BLMH: variants seen among roughly 807,000 people sequenced by gnomAD.
BLMH encodes BLM hydrolase.
Under a neutral mutation model 61.6 loss-of-function variants are expected in BLMH, and 32 were observed. The observed-to-expected ratio is 0.52, with a 90% CI of 0.39 to 0.70. BLMH has a LOEUF of 0.70. Among genes scored for constraint, BLMH ranks in the 30% least tolerant of loss-of-function variants. The probability of loss-of-function intolerance (pLI) is 0.00; values close to 1 mark genes in which losing one functional copy is unlikely to be tolerated. For synonymous variants in BLMH, 183 were observed against 193.8 expected (o/e 0.94, Z 0.46); for missense variants, 460 against 555.5 (o/e 0.83, Z 1.73).
chr17:30,291,574 C>T (rs1370197112), intron 1 of BLMH, 66 bp from the exon 2 acceptor site: 1 of 1,575,618 alleles, frequency 6.3e-7, no homozygotes. Context: ...GGGGCTCCCG[C>T]GTCCCGAATC....
intron 6 of BLMH, among the ~76,000 whole-genome samples, chr17:30,281,206 T>C (rs1258174513): frequency 6.6e-6 from 1 of 151,820 alleles, no homozygotes; most frequent in African/African-American, 2.4e-5. Context: ...ACTCTAAAAG[T>C]ATGTGCACTT....
At chr17:30,263,862 AAAGAG>A (rs1378168743) in intron 11 of BLMH, among the ~76,000 whole-genome samples, 1 of 152,242 alleles carries the variant, frequency 6.6e-6, no homozygotes, top group African/African-American at 2.4e-5. Flanking sequence ...CAGAAATCCC[AAAGAG>A]AATAGCAACA....
chr17:30,272,209 C>G (rs1908293780), intron 9 of BLMH: 1 of 259,886 alleles, frequency 3.8e-6, no homozygotes, highest in Non-Finnish European at 7.4e-6. Context: ...AGTAACATAG[C>G]AAACGGGGGC....
Position 30,291,315 on chromosome 17 carries a change from G to A in BLMH, c.207C>T (p.Ser69=). ...GGGAGAAGTGGAAGCCCACACCTGAGCTCTTCTGGTTGGTGATTGGCTTGC... is the reference window on the plus strand; with the variant it reads ...GGGAGAAGTGGAAGCCCACACCTGAACTCTTCTGGTTGGTGATTGGCTTGC... The part of the protein sequence containing the change: ...QEGKPITNQK[S]SGRCWIFSCL... The change falls in exon 2 of 12, where the codon AGC becomes AGT. Residue 69 remains serine (S), a synonymous_variant. Transcript: ENST00000261714. 2.5e-6 allele frequency: 4 copies of A among 1,611,342 alleles called. No homozygotes were observed. The highest frequency in any genetic ancestry group is 3.4e-6 in the Non-Finnish European group (4 of 1,179,594).
In BLMH at chr17:30,291,878, G is replaced by T; in HGVS notation, c.-59C>A. ...TTCCAGGGTCCTTGGGCGAGCGCCGGGATTGCGCTGCGGCTCGCTGCCTAG... is the reference window on the plus strand; with the variant it reads ...TTCCAGGGTCCTTGGGCGAGCGCCGTGATTGCGCTGCGGCTCGCTGCCTAG... On this transcript the variant is annotated 5_prime_UTR_variant, in exon 1 of 12. Transcript: ENST00000261714. 7.8e-7 allele frequency: 1 copy of T among 1,275,656 alleles called. No homozygotes were observed. Among genetic ancestry groups the T allele is most frequent in the Non-Finnish European group, 9.9e-7 (1 of 1,014,336 alleles). 79.0% of individuals were successfully genotyped at this position (1,275,656 alleles called of 1,614,324 possible).
chr17:30,266,804 C>A, intron 11 of BLMH, 81 bp downstream of exon 11: 2 of 1,283,758 alleles, frequency 1.6e-6, no homozygotes, highest in Non-Finnish European at 1.1e-6. Flanking sequence ...AAATCCTCCA[C>A]ACTAGAGCAG....
In BLMH at chr17:30,291,936, C is replaced by T; in HGVS notation, c.-117G>A. 3 of 1,169,246 alleles carry T rather than the reference C, an allele frequency of 2.6e-6. No homozygotes were observed. The highest frequency in any genetic ancestry group is 3.3e-6 in the Non-Finnish European group (3 of 913,478). 72.4% of individuals were successfully genotyped at this position (1,169,246 alleles called of 1,614,324 possible). A position where few individuals can be genotyped will look rare whatever the true frequency, so the allele number is the denominator to read the frequency against. On this transcript the variant is annotated 5_prime_UTR_variant, in exon 1 of 12. Transcript: ENST00000261714. ...GACCTGTCTCTCGCACCCGGAGCGCCGGAAAAAGGAAACCGGCTCGGCGGC... is the reference window on the plus strand; with the variant it reads ...GACCTGTCTCTCGCACCCGGAGCGCTGGAAAAAGGAAACCGGCTCGGCGGC...
intron 5 of BLMH, 171 bp from the exon 6 acceptor site, chr17:30,285,651 A>C (rs1413750365): frequency 8.5e-6 from 4 of 472,704 alleles, no homozygotes; most frequent in Non-Finnish European, 1.5e-5. Flanking sequence ...CACATAGCTA[A>C]AAATGCTTTC....
chr17:30,287,683 C>T, intron 4 of BLMH, 123 bp downstream of exon 4: 8 of 1,140,872 alleles, frequency 7.0e-6, no homozygotes, highest in Non-Finnish European at 7.3e-6. Flanking sequence ...TTAGAAATAA[C>T]TATATATCCT....
chr17:30,277,957 G>C (rs1040971979), intron 6 of BLMH, among the ~76,000 whole-genome samples: 2 of 151,796 alleles, frequency 1.3e-5, no homozygotes, highest in Non-Finnish European at 2.9e-5. Context: ...GTAAAACTTT[G>C]TAACTTGAGA....
At chr17:30,268,662 T>C (rs1567834508) in intron 10 of BLMH, among the ~76,000 whole-genome samples, 1 of 151,728 alleles carries the variant, frequency 6.6e-6, no homozygotes, top group African/African-American at 2.4e-5. Flanking sequence ...ATAACAGAGA[T>C]AGAAATGATA....
intron 2 of BLMH, among the ~76,000 whole-genome samples, chr17:30,290,242 T>C (rs2143059840): frequency 6.6e-6 from 1 of 152,292 alleles, no homozygotes; most frequent in African/African-American, 2.4e-5. Flanking sequence ...TGCATGAAAA[T>C]AAACTACACA....
rs146994138 is a variant in BLMH, at chr17:30,287,288, A to C, written c.464-386T>G. ...GCAATCCTCCTGCCCTGGTCTCCCA[A>C]AGTGCTAGGATTACATGCCTGAGCC... On this transcript the variant is annotated intron_variant, in intron 4 of 11. Coordinates refer to ENST00000261714, the MANE Select transcript of BLMH (RefSeq NM_000386.4). Among the ~76,000 whole-genome samples, 1,149 of 152,284 alleles carry C rather than the reference A, an allele frequency of 7.5e-3. 7 individuals are homozygous for C. The highest frequency in any genetic ancestry group is 0.02 in the Admixed American group (306 of 15,290).
At chr17:30,266,523 CAAA>C (rs770078465) in intron 11 of BLMH, among the ~76,000 whole-genome samples, 1 of 53,068 alleles carries the variant, frequency 1.9e-5, no homozygotes, top group Non-Finnish European at 4.3e-5. Context: ...AGACTCTGTC[CAAA>C]AAAAAAAAAA....
At chr17:30,281,834 G>T (rs1908600260) in intron 6 of BLMH, among the ~76,000 whole-genome samples, 1 of 152,138 alleles carries the variant, frequency 6.6e-6, no homozygotes, top group South Asian at 2.1e-4. Flanking sequence ...TAAACTTGAT[G>T]TTAAAAATAT....
At chr17:30,252,665 G>C (rs749396413) in intron 11 of BLMH, among the ~76,000 whole-genome samples, 1 of 152,032 alleles carries the variant, frequency 6.6e-6, no homozygotes, top group African/African-American at 2.4e-5. Context: ...GGGAATGGTA[G>C]GGGTTGGGAG....
At chr17:30,252,631 AGAGT>A (rs1446706577) in intron 11 of BLMH, among the ~76,000 whole-genome samples, 1 of 151,726 alleles carries the variant, frequency 6.6e-6, no homozygotes, top group South Asian at 2.1e-4. Context: ...TAGCCTAAAC[AGAGT>A]GAGACCCTGT....
At chr17:30,266,982 G>T in intron 10 of BLMH, 28 bp from the exon 11 acceptor site, 1 of 1,605,854 alleles carries the variant, frequency 6.2e-7, no homozygotes, top group Non-Finnish European at 8.5e-7. Context: ...ATGGTGAGTA[G>T]TCTGAAGCCA....
rs80263939 is a variant in BLMH, at chr17:30,257,932, C to A, written c.1217-8764G>T. Among the ~76,000 whole-genome samples, 361 of 152,324 alleles carry A rather than the reference C, an allele frequency of 2.4e-3. 2 individuals carry two copies. The highest frequency in any genetic ancestry group is 6.8e-3 in the Middle Eastern group (2 of 294). ...CTTTGAAACAAACTCCATCTGCTCACAAACCCCATATCAACAAACAGGAAC... is the reference window on the plus strand; with the variant it reads ...CTTTGAAACAAACTCCATCTGCTCAAAAACCCCATATCAACAAACAGGAAC... On this transcript the variant is annotated intron_variant, in intron 11 of 11. Coordinates refer to ENST00000261714, the MANE Select transcript of BLMH (RefSeq NM_000386.4).
Sources: allele counts gnomAD v4.1 joint callset (sites outside exome capture counted in the v4.1 genomes callset), GRCh38; gene constraint gnomAD v4.1.1; transcripts MANE v1.5; gene names NCBI Gene and HGNC (gene_info 2026-07-23, HGNC 2026-07-21).